The following TMTC2 variants were observed in gnomAD, a reference collection of about 807,000 sequenced individuals.
TMTC2 encodes transmembrane O-mannosyltransferase targeting cadherins 2.
TMTC2 carries 43 observed loss-of-function variants against 82.4 expected under a neutral mutation model. That is an observed-to-expected ratio of 0.52 (90% CI 0.41 to 0.67). The LOEUF is 0.67. Among genes scored for constraint, TMTC2 ranks in the 30% least tolerant of loss-of-function variants. The probability of loss-of-function intolerance (pLI) is 0.00; values close to 1 mark genes in which losing one functional copy is unlikely to be tolerated. For missense variants in TMTC2, 919 were observed against 1,012.4 expected, an observed-to-expected ratio of 0.91 and a Z score of 1.25; for synonymous variants, 408 against 381.9, an observed-to-expected ratio of 1.07 and a Z score of -0.80.
chr12:82,903,102 C>G (rs1301858869), intron 3 of TMTC2, among the ~76,000 whole-genome samples: 3 of 152,126 alleles, frequency 2.0e-5, no homozygotes, highest in African/African-American at 7.2e-5. Context: ...TTGCTTCTTC[C>G]TGCAATGTGT....
chr12:82,812,496 G>A (rs1209576414), intron 1 of TMTC2, among the ~76,000 whole-genome samples: 2 of 152,068 alleles, frequency 1.3e-5, no homozygotes, highest in East Asian at 1.9e-4. Flanking sequence ...GTTATTTAAG[G>A]TGACATCTAA....
chr12:82,873,384 A>G (rs1453890669), intron 2 of TMTC2, among the ~76,000 whole-genome samples: 2 of 151,996 alleles, frequency 1.3e-5, no homozygotes, highest in Admixed American at 6.6e-5. Context: ...TGTCTATTCT[A>G]CTGTATAACA....
At chr12:82,827,093 G>T (rs1376908090) in intron 1 of TMTC2, among the ~76,000 whole-genome samples, 1 of 152,122 alleles carries the variant, frequency 6.6e-6, no homozygotes, top group Non-Finnish European at 1.5e-5. Context: ...ATTATGTGGA[G>T]AAATTGTAAT....
At chr12:83,043,731 G>A (rs1008349006) in intron 9 of TMTC2, among the ~76,000 whole-genome samples, 2 of 152,026 alleles carry the variant, frequency 1.3e-5, no homozygotes, top group Admixed American at 6.6e-5. Context: ...GTTTATCTTT[G>A]TATGCCCACT....
chr12:82,931,224 A>G (rs1276355190), intron 4 of TMTC2, among the ~76,000 whole-genome samples: 1 of 151,096 alleles, frequency 6.6e-6, no homozygotes, highest in Non-Finnish European at 1.5e-5. Context: ...TATTAATGAT[A>G]GATTTTGTCT....
intron 1 of TMTC2, among the ~76,000 whole-genome samples, chr12:82,752,516 T>A (rs959421858): frequency 6.6e-6 from 1 of 151,848 alleles, no homozygotes. Flanking sequence ...CAAAGAATCT[T>A]AGGGCTGGAG....
intron 1 of TMTC2, among the ~76,000 whole-genome samples, chr12:82,725,379 T>C (rs1435328688): frequency 6.6e-6 from 1 of 152,192 alleles, no homozygotes; most frequent in Non-Finnish European, 1.5e-5. Context: ...TAATATTAAT[T>C]TTTTATTGGA....
chr12:82,953,855 C>T (rs144766813), intron 4 of TMTC2, among the ~76,000 whole-genome samples: 1 of 150,058 alleles, frequency 6.7e-6, no homozygotes, highest in East Asian at 1.9e-4. Flanking sequence ...AAAAAAAACC[C>T]TTAGTTTCAT....
chr12:82,775,168 C>T (rs537208902), intron 1 of TMTC2, among the ~76,000 whole-genome samples: 9 of 152,150 alleles, frequency 5.9e-5, no homozygotes, highest in South Asian at 2.1e-4. Flanking sequence ...ACAAGATTCC[C>T]GGCCAAGCAC....
At chr12:83,123,762 G>T (rs564444395) in intron 11 of TMTC2, among the ~76,000 whole-genome samples, 1 of 152,228 alleles carries the variant, frequency 6.6e-6, no homozygotes, top group Non-Finnish European at 1.5e-5. Context: ...GTTTTTTAAA[G>T]TACCAAATTG....
At chr12:83,057,352 G>A (rs959665199) in intron 10 of TMTC2, among the ~76,000 whole-genome samples, 3 of 151,796 alleles carry the variant, frequency 2.0e-5, no homozygotes, top group African/African-American at 4.8e-5. Flanking sequence ...TTTCTTTACC[G>A]CTCTACTCTT....
chr12:82,859,379 C>G (rs1464040120), intron 2 of TMTC2, among the ~76,000 whole-genome samples: 1 of 152,070 alleles, frequency 6.6e-6, no homozygotes, highest in East Asian at 1.9e-4. Context: ...ATTTCTTTTA[C>G]AGAATTTCCA....
intron 9 of TMTC2, among the ~76,000 whole-genome samples, chr12:83,041,961 A>G (rs1881911951): frequency 6.6e-6 from 1 of 152,188 alleles, no homozygotes; most frequent in African/African-American, 2.4e-5. Flanking sequence ...GCAGGGAGAG[A>G]AACAGTTTCT....
At chr12:82,982,340 G>T (rs1267506900) in intron 7 of TMTC2, among the ~76,000 whole-genome samples, 4 of 151,678 alleles carry the variant, frequency 2.6e-5, no homozygotes, top group African/African-American at 2.4e-5. Flanking sequence ...TCTTAACCTT[G>T]CCAGTGTCAG....
intron 4 of TMTC2, among the ~76,000 whole-genome samples, chr12:82,943,586 C>A (rs1221368169): frequency 1.3e-5 from 2 of 152,158 alleles, no homozygotes; most frequent in Admixed American, 6.5e-5. Context: ...CAGTTTAGCT[C>A]TCAAGGTGAA....
intron 8 of TMTC2, among the ~76,000 whole-genome samples, chr12:83,027,013 T>C (rs1396831527): frequency 3.3e-5 from 5 of 152,166 alleles, no homozygotes; most frequent in Non-Finnish European, 7.3e-5. Flanking sequence ...GACCAGGCAC[T>C]CTCCTAATTG....
rs189088532 is a variant in TMTC2, at chr12:82,729,009, A to T, written c.83+41340A>T. Among the ~76,000 whole-genome samples, 266 of 152,234 alleles carry T rather than the reference A, an allele frequency of 1.7e-3. 1 individual carries two copies. The highest frequency in any genetic ancestry group is 5.6e-3 in the African/African-American group (234 of 41,554). On this transcript the variant is annotated intron_variant, in intron 1 of 11. Transcript: ENST00000321196. Reference sequence around the variant, plus strand: ...ACCCCATGCCTGAGCCTCCGCCCTCACCCTGCGGCCTCCTGCGTGGCCCGA... The same window carrying T: ...ACCCCATGCCTGAGCCTCCGCCCTCTCCCTGCGGCCTCCTGCGTGGCCCGA...
Position 82,831,288 on chromosome 12 carries a change from T to G in TMTC2, c.84-25722T>G, listed in dbSNP as rs929293864. Among the ~76,000 whole-genome samples, 5 of 152,328 alleles carry G rather than the reference T, an allele frequency of 3.3e-5. No homozygotes were observed. The South Asian group carries it at 1.0e-3, about 32-fold the overall frequency. ...TGAGCTTCTCCTGTGCATCAGCAGT[T>G]TCTCTCCTATTTTTAAGGTGGCTGC... On this transcript the variant is annotated intron_variant, in intron 1 of 11. Coordinates refer to ENST00000321196, the MANE Select transcript of TMTC2 (RefSeq NM_152588.3).
chr12:83,075,183 C>G (rs1883245066), intron 11 of TMTC2, among the ~76,000 whole-genome samples: 2 of 152,166 alleles, frequency 1.3e-5, no homozygotes, highest in Non-Finnish European at 2.9e-5. Context: ...AGGAGGGTCT[C>G]CCTTTCCTAC....
Sources: gnomAD v4.1 joint callset for allele counts (sites outside exome capture counted in the v4.1 genomes callset) on GRCh38, gnomAD v4.1.1 for gene constraint, MANE v1.5 for transcripts, NCBI Gene and HGNC (gene_info 2026-07-23, HGNC 2026-07-21) for gene names.